The following PLEKHA7 variants were observed in gnomAD, a reference collection of about 807,000 sequenced individuals.
PLEKHA7 encodes pleckstrin homology domain containing A7.
Under a neutral mutation model 170.0 loss-of-function variants are expected in PLEKHA7, and 104 were observed. The observed-to-expected ratio is 0.61, with a 90% CI of 0.52 to 0.72. The LOEUF is 0.72. PLEKHA7 is among the 30% of genes least tolerant of loss of function. The pLI is 0.00. For missense variants in PLEKHA7, 1,615 were observed against 1,671.7 expected, an observed-to-expected ratio of 0.97 and a Z score of 0.59; for synonymous variants, 648 against 660.8, an observed-to-expected ratio of 0.98 and a Z score of 0.30.
chr11:16,789,253 T>C lies in PLEKHA7; in HGVS notation c.3200A>G (p.Gln1067Arg), dbSNP rs910565084. The C allele has an allele frequency of 3.7e-6, 6 of 1,613,672 alleles. No individual in the cohort carries two copies. The highest frequency in any genetic ancestry group is 1.3e-5 in the African/African-American group (1 of 74,940). Residue 1067 changes from glutamine (Q) to arginine (R), a missense_variant, in exon 23 of 27, where the codon CAG becomes CGG. Coordinates refer to ENST00000531066, the MANE Select transcript of PLEKHA7 (RefSeq NM_001329630.2). The surrounding 1 kb of genome is among the most constrained non-coding windows in gnomAD (Gnocchi z 4.6). ...CTCCTCTGCACTCATCTTGCCTCGCTGGTGATCCCCTGAGTACAGGCGCTC... is the reference window on the plus strand; with the variant it reads ...CTCCTCTGCACTCATCTTGCCTCGCCGGTGATCCCCTGAGTACAGGCGCTC... ...ALERLYSGDH[Q>R]RGKMSAEEQL...
intron 3 of PLEKHA7, among the ~76,000 whole-genome samples, chr11:16,902,008 A>T (rs1857373440): frequency 6.6e-6 from 1 of 152,228 alleles, no homozygotes; most frequent in African/African-American, 2.4e-5. Context: ...CCCCAGCTCC[A>T]GCCCTAGGCA....
At chr11:16,893,867 T>C (rs1565083391) in intron 3 of PLEKHA7, among the ~76,000 whole-genome samples, 1 of 152,272 alleles carries the variant, frequency 6.6e-6, no homozygotes, top group South Asian at 2.1e-4. Context: ...GATTAAGTTA[T>C]CCATGGAGTG....
chr11:16,829,524 C>T lies in PLEKHA7; in HGVS notation c.873-2934G>A, dbSNP rs112315821. On this transcript the variant is annotated intron_variant, in intron 9 of 26. Coordinates refer to ENST00000531066, the MANE Select transcript of PLEKHA7 (RefSeq NM_001329630.2). ...ATACTTACAGAAAAAGTAATTCAGC[C>T]GGGTGCAGTGGCGTGCCAAGGGAGG... Among the ~76,000 whole-genome samples the T allele has an allele frequency of 4.0e-3, 603 of 152,230 alleles. 6 individuals are homozygous for T. The highest frequency in any genetic ancestry group is 8.3e-3 in the African/African-American group (345 of 41,524).
intron 3 of PLEKHA7, among the ~76,000 whole-genome samples, chr11:16,965,336 G>C (rs1862308396): frequency 1.4e-5 from 2 of 139,790 alleles, no homozygotes; most frequent in Admixed American, 7.1e-5. Flanking sequence ...GAAAAAAAAA[G>C]GTTTGAAGAC....
intron 3 of PLEKHA7, among the ~76,000 whole-genome samples, chr11:16,998,700 A>AATAAT (rs111828245): frequency 1.3e-5 from 2 of 152,146 alleles, no homozygotes; most frequent in East Asian, 1.9e-4. Flanking sequence ...GCTAAAAAAA[A>AATAAT]TATTCAAAAC....
At chr11:16,971,178 A>G (rs531360612) in intron 3 of PLEKHA7, among the ~76,000 whole-genome samples, 1 of 152,364 alleles carries the variant, frequency 6.6e-6, no homozygotes, top group East Asian at 1.9e-4. Context: ...AAAATTCTGC[A>G]TGACCTTTAC....
At chr11:16,926,535 G>A (rs556119352) in intron 3 of PLEKHA7, among the ~76,000 whole-genome samples, 12 of 152,242 alleles carry the variant, frequency 7.9e-5, no homozygotes, top group African/African-American at 2.9e-4. Context: ...TACAGAACAA[G>A]GTAATTACCA....
At chr11:16,851,430 G>C in intron 7 of PLEKHA7, 139 bp from the exon 8 acceptor site, 1 of 485,728 alleles carries the variant, frequency 2.1e-6, no homozygotes, top group Non-Finnish European at 3.7e-6. Context: ...CACAGGCAAA[G>C]CTCTACCCAT....
At chr11:16,872,842 G>A (rs1854972857) in intron 3 of PLEKHA7, among the ~76,000 whole-genome samples, 1 of 151,924 alleles carries the variant, frequency 6.6e-6, no homozygotes, top group African/African-American at 2.4e-5. Flanking sequence ...TCAGAAAGTT[G>A]TCTACTGGGC....
rs377347818 is a variant in PLEKHA7, at chr11:16,817,265, T to C, written c.1401A>G (p.Pro467=). The change falls in exon 11 of 27, where the codon CCA becomes CCG. Residue 467 remains proline, a synonymous_variant. Coordinates refer to ENST00000531066, the MANE Select transcript of PLEKHA7 (RefSeq NM_001329630.2). This position sits in a 1 kb window ranked among gnomAD's most constrained non-coding sequence, Gnocchi z 4.4. ...TCTTGGGAAGAGTCTGGTAGTTTTC[T>C]GGGAAGGACAGGGATTGGCCAGGAC... The part of the protein sequence containing the change: ...RQGPGQSLSF[P]ENYQTLPKST... 7 of 1,613,566 alleles carry C rather than the reference T, an allele frequency of 4.3e-6. No homozygotes were observed. The highest frequency in any genetic ancestry group is 4.2e-6 in the Non-Finnish European group (5 of 1,180,006).
intron 3 of PLEKHA7, among the ~76,000 whole-genome samples, chr11:16,892,492 A>C (rs1202082843): frequency 6.7e-6 from 1 of 148,726 alleles, no homozygotes; most frequent in Non-Finnish European, 1.5e-5. Context: ...GTCACCCAGG[A>C]TGGAGTGCAG....
At chr11:16,839,253 C>T (rs1851770845) in intron 9 of PLEKHA7, among the ~76,000 whole-genome samples, 1 of 151,836 alleles carries the variant, frequency 6.6e-6, no homozygotes, top group Non-Finnish European at 1.5e-5. Flanking sequence ...ACAAAAGAAT[C>T]CTATATATTT....
chr11:16,975,510 G>A (rs759804252), intron 3 of PLEKHA7, among the ~76,000 whole-genome samples: 9 of 152,042 alleles, frequency 5.9e-5, no homozygotes, highest in East Asian at 1.9e-4. Flanking sequence ...TGGGTTCCAT[G>A]TCAGAGAACC....
At chr11:16,784,131 C>T (rs1257899870) in intron 24 of PLEKHA7, among the ~76,000 whole-genome samples, 2 of 152,170 alleles carry the variant, frequency 1.3e-5, no homozygotes, top group Non-Finnish European at 2.9e-5. Flanking sequence ...TTAATGCCAC[C>T]GTCAAGGCCC....
chr11:16,786,459 C>A, intron 23 of PLEKHA7, 72 bp from the exon 24 acceptor site: 2 of 1,525,918 alleles, frequency 1.3e-6, no homozygotes, highest in Non-Finnish European at 1.8e-6. Flanking sequence ...TCACCTTTTT[C>A]CATGGGGTCC....
At chr11:16,823,255 C>G (rs1850384730) in intron 10 of PLEKHA7, among the ~76,000 whole-genome samples, 1 of 152,144 alleles carries the variant, frequency 6.6e-6, no homozygotes, top group African/African-American at 2.4e-5. Context: ...ATCCTACCAC[C>G]TCGGCCTCCC....
chr11:16,801,273 C>A (rs1259545136), intron 16 of PLEKHA7, among the ~76,000 whole-genome samples, 198 bp from the exon 17 acceptor site: 2 of 152,228 alleles, frequency 1.3e-5, no homozygotes, highest in African/African-American at 2.4e-5. Context: ...GTCACCTGCA[C>A]TGTTCACTCT....
chr11:16,780,912 G>C (rs746660763), intron 26 of PLEKHA7: 66 of 874,232 alleles, frequency 7.5e-5, no homozygotes, highest in Non-Finnish European at 8.5e-5. Flanking sequence ...GCAGGAAGCA[G>C]GCAGAAGCAC....
chr11:16,802,609 G>A (rs1445820774), intron 15 of PLEKHA7, among the ~76,000 whole-genome samples: 7 of 151,956 alleles, frequency 4.6e-5, no homozygotes, highest in Middle Eastern at 3.4e-3. Context: ...ATACAGTGGC[G>A]TGATCTCGGC....
Sources: allele counts gnomAD v4.1 joint callset (sites outside exome capture counted in the v4.1 genomes callset), GRCh38; gene constraint gnomAD v4.1.1; non-coding constraint Gnocchi (gnomAD v3.1); transcripts MANE v1.5; gene names NCBI Gene and HGNC (gene_info 2026-07-23, HGNC 2026-07-21).